FEZ2: variants seen among roughly 807,000 people sequenced by gnomAD.
The protein encoded by FEZ2 is fasciculation and elongation protein zeta-2.
A neutral mutation model predicts 40.4 loss-of-function variants in FEZ2; 51 were observed. The ratio of observed to expected loss-of-function variants is 1.26; its 90% CI spans 1.01 to 1.59. The LOEUF is 1.59. FEZ2 is among the 40% of genes most tolerant of loss of function. FEZ2 has a pLI of 0.00. For missense variants in FEZ2, 640 were observed against 438.3 expected, an observed-to-expected ratio of 1.46 and a Z score of -4.11; for synonymous variants, 242 against 172.0, an observed-to-expected ratio of 1.41 and a Z score of -3.18.
intron 2 of FEZ2, among the ~76,000 whole-genome samples, chr2:36,587,822 C>T (rs1258688908): frequency 6.6e-6 from 1 of 151,948 alleles, no homozygotes; most frequent in East Asian, 1.9e-4. Flanking sequence ...AATTATATAC[C>T]ATGTAATAGA....
At chr2:36,595,843 A>G (rs982272856) in intron 1 of FEZ2, among the ~76,000 whole-genome samples, 1 of 152,212 alleles carries the variant, frequency 6.6e-6, no homozygotes, top group Non-Finnish European at 1.5e-5. Context: ...TCTACTAAAT[A>G]CCATTAACAA....
chr2:36,586,422 C>T (rs1231742836), intron 2 of FEZ2, among the ~76,000 whole-genome samples: 1 of 151,952 alleles, frequency 6.6e-6, no homozygotes, highest in Non-Finnish European at 1.5e-5. Flanking sequence ...ATTGCTTGAG[C>T]TCAGGAGTTT....
At chr2:36,588,000 C>T (rs1450786234) in intron 2 of FEZ2, among the ~76,000 whole-genome samples, 3 of 152,040 alleles carry the variant, frequency 2.0e-5, no homozygotes, top group Non-Finnish European at 2.9e-5. Context: ...TGTTCACTTT[C>T]ATCTGCTGAG....
chr2:36,587,976 G>A (rs998976842), intron 2 of FEZ2, among the ~76,000 whole-genome samples: 1 of 152,102 alleles, frequency 6.6e-6, no homozygotes, highest in Non-Finnish European at 1.5e-5. Context: ...AGAGATGATA[G>A]GTGAATGATC....
At chr2:36,594,696 C>T (rs891393890) in intron 1 of FEZ2, 1 of 152,428 alleles carries the variant, frequency 6.6e-6, no homozygotes, top group African/African-American at 2.4e-5. Flanking sequence ...GTATCACTGA[C>T]TATAGACCTA....
At chr2:36,573,964 T>C (rs76940284) in intron 5 of FEZ2, among the ~76,000 whole-genome samples, 2,059 of 152,338 alleles carry the variant, frequency 0.014, 51 homozygotes, top group African/African-American at 0.047. Context: ...CTATATTCTT[T>C]GACTTGGAAA....
At chr2:36,578,563 C>T (rs759185255) in intron 5 of FEZ2, 34 bp downstream of exon 5, 4 of 1,585,862 alleles carry the variant, frequency 2.5e-6, no homozygotes, top group Admixed American at 3.6e-5. Flanking sequence ...AACCTGTTTC[C>T]AGTGTTCGAC....
At chr2:36,584,067 G>C (rs1328766783) in intron 2 of FEZ2, 1 of 152,332 alleles carries the variant, frequency 6.6e-6, no homozygotes, top group Non-Finnish European at 1.5e-5. Context: ...CGCTCCAGGA[G>C]GACGACCTTT....
At chr2:36,586,951 A>G (rs1668919988) in intron 2 of FEZ2, among the ~76,000 whole-genome samples, 1 of 152,208 alleles carries the variant, frequency 6.6e-6, no homozygotes, top group Non-Finnish European at 1.5e-5. Flanking sequence ...CTCTCAATCT[A>G]TCAATCAATC....
At chr2:36,566,209 G>A (rs906792059) in intron 5 of FEZ2, among the ~76,000 whole-genome samples, 3 of 152,006 alleles carry the variant, frequency 2.0e-5, no homozygotes, top group East Asian at 1.9e-4. Flanking sequence ...GCACGGTGGC[G>A]GGCACCTGTA....
chr2:36,565,715 T>C, intron 5 of FEZ2, among the ~76,000 whole-genome samples: 1 of 152,152 alleles, frequency 6.6e-6, no homozygotes, highest in Non-Finnish European at 1.5e-5. Context: ...GTAGTTGTTT[T>C]GAATATAGCA....
intron 5 of FEZ2, among the ~76,000 whole-genome samples, chr2:36,560,541 T>A (rs17435052): frequency 6.6e-6 from 1 of 152,240 alleles, no homozygotes; most frequent in African/African-American, 2.4e-5. Flanking sequence ...GAGTGAAAAA[T>A]GGAGCTATAA....
chr2:36,581,162 A>AC, intron 4 of FEZ2, 128 bp downstream of exon 4: 3 of 962,520 alleles, frequency 3.1e-6, no homozygotes, highest in East Asian at 4.9e-5. Flanking sequence ...AACAACAACA[A>AC]AAATGTAAAT....
rs867776053 is a variant in FEZ2 at position 36,598,168 on chromosome 2, C to G, written c.-26G>C. The G allele has an allele frequency of 7.2e-6, 9 of 1,249,608 alleles. No homozygotes were observed. Among genetic ancestry groups the G allele is most frequent in the Admixed American group, 4.7e-5 (1 of 21,282 alleles). 77.4% of individuals were successfully genotyped at this position (1,249,608 alleles called of 1,614,324 possible). A position where few individuals can be genotyped will look rare whatever the true frequency, so the allele number is the denominator to read the frequency against. ...CGCCGCCCGGAGCAGTCGCGCGCCC[C>G]GCCCAGGCCGGCCCAGCCCGCCCAG... On this transcript the variant is annotated 5_prime_UTR_variant, in exon 1 of 8. Coordinates refer to ENST00000405912, the MANE Select transcript of FEZ2 (RefSeq NM_005102.3).
chr2:36,577,213 TA>T (rs1668598205), intron 5 of FEZ2, among the ~76,000 whole-genome samples: 1 of 152,060 alleles, frequency 6.6e-6, no homozygotes, highest in Non-Finnish European at 1.5e-5. Flanking sequence ...TTCTTAAAAA[TA>T]ATAGATACCT....
chr2:36,596,517 T>C (rs1428959916), intron 1 of FEZ2, among the ~76,000 whole-genome samples: 1 of 152,214 alleles, frequency 6.6e-6, no homozygotes, highest in Non-Finnish European at 1.5e-5. Flanking sequence ...AGTGCAGTTG[T>C]GCGATGATGG....
At chr2:36,570,621 G>A (rs1668380791) in intron 5 of FEZ2, among the ~76,000 whole-genome samples, 1 of 152,186 alleles carries the variant, frequency 6.6e-6, no homozygotes, top group Non-Finnish European at 1.5e-5. Flanking sequence ...GACCATGACA[G>A]AGTGTACTTA....
rs562366199 is a variant in FEZ2 at position 36,575,452 on chromosome 2, G to C, written c.903+3145C>G. Among the ~76,000 whole-genome samples, 15 of 152,208 alleles carry C rather than the reference G, an allele frequency of 9.9e-5. No homozygotes were observed. In the South Asian group the frequency reaches 1.9e-3, roughly 19 times the overall value. On this transcript the variant is annotated intron_variant, in intron 5 of 7. Coordinates refer to ENST00000405912, the MANE Select transcript of FEZ2 (RefSeq NM_005102.3). Reference sequence around the variant, plus strand: ...AATCCTCCCACCTCAGCCTCTCAAAGTCCTAGAATTACCATCATGAGTCAT... The same window carrying C: ...AATCCTCCCACCTCAGCCTCTCAAACTCCTAGAATTACCATCATGAGTCAT...
At chr2:36,554,561 A>G (rs747074255) in intron 7 of FEZ2, among the ~76,000 whole-genome samples, 46 of 152,214 alleles carry the variant, frequency 3.0e-4, no homozygotes, top group Non-Finnish European at 5.6e-4. Flanking sequence ...TATTAAAAAA[A>G]AAATTTTTCA....
Sources: gnomAD v4.1 joint callset for allele counts (sites outside exome capture counted in the v4.1 genomes callset) on GRCh38, gnomAD v4.1.1 for gene constraint, MANE v1.5 for transcripts, NCBI Gene and HGNC (gene_info 2026-07-23, HGNC 2026-07-21) for gene names.